Variants in CRISPLD1 observed in about 807,000 individuals in gnomAD.
CRISPLD1 encodes the protein cysteine rich secretory protein LCCL domain containing 1.
CRISPLD1 carries 60 observed loss-of-function variants against 77.5 expected under a neutral mutation model. That is an observed-to-expected ratio of 0.77 (90% CI 0.63 to 0.96). The LOEUF (loss-of-function observed/expected upper bound fraction) is 0.96. Ranked by LOEUF, CRISPLD1 falls within the 40% of genes least tolerant of loss-of-function variation. The probability of loss-of-function intolerance (pLI) is 0.00; values close to 1 mark genes in which losing one functional copy is unlikely to be tolerated. For synonymous variants in CRISPLD1, 195 were observed against 200.1 expected (o/e 0.97, Z 0.22); for missense variants, 623 against 615.8 (o/e 1.01, Z -0.12).
At chr8:74,999,775 C>CTTT (rs112068678) in intron 2 of CRISPLD1, among the ~76,000 whole-genome samples, 4 of 138,616 alleles carry the variant, frequency 2.9e-5, no homozygotes, top group Admixed American at 7.3e-5. Flanking sequence ...TTTTTCTTTT[C>CTTT]TTTTTTTTTT....
rs753246288 is a variant in CRISPLD1, at chr8:75,017,050, C to T, written c.933C>T (p.Tyr311=). 23 of 1,611,296 alleles carry T rather than the reference C, an allele frequency of 1.4e-5. 1 individual carries two copies. The highest frequency in any genetic ancestry group is 3.3e-4 in the Middle Eastern group (2 of 6,024). ...GTGCCCAATTACTTTTATTTAGGTA[C>T]GAATGTCCTGCTGGCTGTTTGGATA... ...DQCKGTTCNR[Y]ECPAGCLDSK... Residue 311 remains tyrosine, a synonymous_variant, in exon 9 of 15, where the codon TAC becomes TAT. Transcript: ENST00000262207.
chr8:75,013,054 C>T, intron 4 of CRISPLD1, 32 bp downstream of exon 4: 17 of 1,459,190 alleles, frequency 1.2e-5, no homozygotes, highest in Non-Finnish European at 1.6e-5. Context: ...CTTAATTCCC[C>T]CAAATTGAGT....
Position 75,032,173 on chromosome 8 carries a change from T to C in CRISPLD1, c.1452-18T>C, listed in dbSNP as rs1485888601. ...AGATGACATCAATATACTTTTCATATATTTTTTTTTTTTGCAGTTTACAGA... is the reference window on the plus strand; with the variant it reads ...AGATGACATCAATATACTTTTCATACATTTTTTTTTTTTGCAGTTTACAGA... On this transcript the variant is annotated intron_variant, in intron 14 of 14. Transcript: ENST00000262207. The C allele has an allele frequency of 2.6e-6, 4 of 1,528,216 alleles. No individual in the cohort carries two copies. The highest frequency in any genetic ancestry group is 3.6e-6 in the Non-Finnish European group (4 of 1,126,390). 94.7% of individuals were successfully genotyped at this position (1,528,216 alleles called of 1,614,324 possible). A position where few individuals can be genotyped will look rare whatever the true frequency, so the allele number is the denominator to read the frequency against.
intron 2 of CRISPLD1, among the ~76,000 whole-genome samples, chr8:75,004,767 A>G (rs752170750): frequency 6.6e-6 from 1 of 152,160 alleles, no homozygotes; most frequent in Non-Finnish European, 1.5e-5. Flanking sequence ...ATAATTCTGT[A>G]TGTCTTTGAT....
intron 12 of CRISPLD1, among the ~76,000 whole-genome samples, chr8:75,024,643 A>G (rs148742464): frequency 1.1e-4 from 17 of 152,238 alleles, no homozygotes; most frequent in Middle Eastern, 6.8e-3. Flanking sequence ...ACGTTTTAAT[A>G]TAAGTATGGA....
chr8:75,028,573 A>G (rs2128789000), intron 13 of CRISPLD1, among the ~76,000 whole-genome samples: 1 of 152,330 alleles, frequency 6.6e-6, no homozygotes, highest in South Asian at 2.1e-4. Flanking sequence ...AATCTTGAGA[A>G]GATTTTAATG....
chr8:75,012,427 C>A lies in CRISPLD1; in HGVS notation c.259-6C>A. 6.3e-7 allele frequency: 1 copy of A among 1,590,074 alleles called. No individual in the cohort carries two copies. The highest frequency in any genetic ancestry group is 8.6e-7 in the Non-Finnish European group (1 of 1,158,456). On this transcript the variant is annotated splice_region_variant and splice_polypyrimidine_tract_variant and intron_variant, in intron 2 of 14. Transcript: ENST00000262207. ...GTGCACATTTTGCTTTTGTTTTAAA[C>A]TGTAGACATGGGATGTAGAGCTGGA...
intron 2 of CRISPLD1, among the ~76,000 whole-genome samples, chr8:75,001,264 G>A (rs918599639): frequency 4.6e-5 from 7 of 152,130 alleles, no homozygotes; most frequent in Admixed American, 1.3e-4. Context: ...TTGGGTTAGT[G>A]CAAACTCATT....
chr8:75,032,055 A>T (rs1262463510), intron 14 of CRISPLD1, 136 bp from the exon 15 acceptor site: 1 of 572,374 alleles, frequency 1.7e-6, no homozygotes, highest in Non-Finnish European at 3.1e-6. Flanking sequence ...ACTATAAATT[A>T]TAGTAGCCTA....
chr8:74,990,683 C>T (rs1242573544), intron 2 of CRISPLD1, among the ~76,000 whole-genome samples: 1 of 151,864 alleles, frequency 6.6e-6, no homozygotes, highest in Non-Finnish European at 1.5e-5. Context: ...AAAAAAACTG[C>T]CTTATCCTTT....
At chr8:75,001,812 G>A (rs1443093651) in intron 2 of CRISPLD1, among the ~76,000 whole-genome samples, 1 of 152,132 alleles carries the variant, frequency 6.6e-6, no homozygotes, top group Non-Finnish European at 1.5e-5. Flanking sequence ...TGGCAGACTT[G>A]AGCATCATAG....
intron 12 of CRISPLD1, among the ~76,000 whole-genome samples, chr8:75,024,255 T>C (rs1178629308): frequency 6.6e-6 from 1 of 152,208 alleles, no homozygotes; most frequent in Non-Finnish European, 1.5e-5. Context: ...TCATTTACTC[T>C]GAATGTGATG....
chr8:75,013,052 C>T, intron 4 of CRISPLD1, 30 bp downstream of exon 4: 3 of 1,467,516 alleles, frequency 2.0e-6, no homozygotes, highest in Non-Finnish European at 2.7e-6. Flanking sequence ...TACTTAATTC[C>T]CCCAAATTGA....
intron 2 of CRISPLD1, among the ~76,000 whole-genome samples, chr8:74,992,770 C>T (rs1812591343): frequency 1.3e-5 from 2 of 152,176 alleles, no homozygotes; most frequent in Admixed American, 1.3e-4. Flanking sequence ...TCTCCTTTCG[C>T]TAGGCAACCA....
At position 75,029,249 on chromosome 8, in the gene CRISPLD1, ACCT is replaced by A; in HGVS notation, c.1321-136_1321-134del. The A allele has an allele frequency of 4.6e-6, 4 of 874,356 alleles. No homozygotes were observed. In the South Asian group the frequency reaches 7.3e-5, roughly 16 times the overall value. 54.2% of individuals were successfully genotyped at this position (874,356 alleles called of 1,614,324 possible). On this transcript the variant is annotated intron_variant, in intron 13 of 14. Coordinates refer to ENST00000262207, the MANE Select transcript of CRISPLD1 (RefSeq NM_031461.6). ...TTTCAAACACTCTTTTATGCACAAAACCTCATCCTGTAGCTGCTCACTGGCTAT... is the reference window on the plus strand; with the variant it reads ...TTTCAAACACTCTTTTATGCACAAAACATCCTGTAGCTGCTCACTGGCTAT...
intron 2 of CRISPLD1, among the ~76,000 whole-genome samples, chr8:74,987,497 C>G (rs768730536): frequency 6.6e-6 from 1 of 152,220 alleles, no homozygotes; most frequent in Non-Finnish European, 1.5e-5. Context: ...AAACATACTT[C>G]AAGATCTCAG....
chr8:74,987,644 T>C (rs577543718), intron 2 of CRISPLD1, among the ~76,000 whole-genome samples: 2 of 152,370 alleles, frequency 1.3e-5, no homozygotes, highest in Non-Finnish European at 2.9e-5. Flanking sequence ...TTCTGCTTCT[T>C]GTATAGTGTT....
chr8:74,994,574 C>G (rs1812619250), intron 2 of CRISPLD1, among the ~76,000 whole-genome samples: 1 of 152,146 alleles, frequency 6.6e-6, no homozygotes, highest in Non-Finnish European at 1.5e-5. Flanking sequence ...GAGGTGGAAC[C>G]CAACCTCTGT....
intron 13 of CRISPLD1, 50 bp from the exon 14 acceptor site, chr8:75,029,337 A>G (rs1198869231): frequency 6.3e-7 from 1 of 1,575,468 alleles, no homozygotes; most frequent in Admixed American, 1.8e-5. Flanking sequence ...AGGCTGGACA[A>G]GTCCAGCAGG....
Sources: allele counts gnomAD v4.1 joint callset (sites outside exome capture counted in the v4.1 genomes callset), GRCh38; gene constraint gnomAD v4.1.1; transcripts MANE v1.5; gene names NCBI Gene and HGNC (gene_info 2026-07-23, HGNC 2026-07-21).